ZXDC: variants seen among roughly 807,000 people sequenced by gnomAD.
ZXDC encodes the protein ZXD family zinc finger C.
Under a neutral mutation model 63.6 loss-of-function variants are expected in ZXDC, and 58 were observed. The ratio of observed to expected loss-of-function variants is 0.91; its 90% CI spans 0.74 to 1.13. ZXDC has a LOEUF of 1.13. Among genes scored for constraint, ZXDC ranks in the 50% most tolerant of loss-of-function variants. The pLI, the probability that ZXDC is intolerant of heterozygous loss-of-function variation, is 0.00. For missense variants in ZXDC, 1,133 were observed against 1,148.9 expected (o/e 0.99, Z 0.20); for synonymous variants, 561 against 496.1 (o/e 1.13, Z -1.74).
In ZXDC at chr3:126,472,164, C is replaced by T; in HGVS notation, c.1049G>A (p.Arg350Gln). Reference protein sequence around the residue: ...DKACRLKIHLRSHTGERPFIC... With the variant: ...DKACRLKIHLQSHTGERPFIC... ...CCCTAGCTCATTACCTGTATGGCTC[C>T]GCAGGTGAATTTTCAGCCGACAGGC... The change falls in exon 2 of 10, where the codon CGG (arginine) becomes CAG (glutamine). Residue 350 changes from arginine (R) to glutamine (Q), a missense_variant. Arg to Gln is a conservative substitution (Grantham distance 43). Coordinates refer to ENST00000389709, the MANE Select transcript of ZXDC (RefSeq NM_025112.5). 1.9e-6 allele frequency: 3 copies of T among 1,609,790 alleles called. No individual in the cohort carries two copies. Among genetic ancestry groups the T allele is most frequent in the Non-Finnish European group, 2.6e-6 (3 of 1,176,268 alleles).
intron 7 of ZXDC, chr3:126,450,397 C>T (rs1560092871): frequency 2.2e-6 from 1 of 456,636 alleles, no homozygotes; most frequent in East Asian, 6.9e-5. Flanking sequence ...CGCACCCTCC[C>T]CTGTTAGAGG....
At chr3:126,471,945 A>C (rs377143426) in intron 3 of ZXDC, 28 bp downstream of exon 3, 152 of 1,588,762 alleles carry the variant, frequency 9.6e-5, no homozygotes, top group Admixed American at 3.9e-4. Flanking sequence ...TTCAAACCTG[A>C]TAATGCAAAC....
At chr3:126,464,939 G>A (rs1934697390) in intron 5 of ZXDC, among the ~76,000 whole-genome samples, 1 of 152,208 alleles carries the variant, frequency 6.6e-6, no homozygotes, top group South Asian at 2.1e-4. Context: ...CCAAGGAGGG[G>A]CTTCATGACC....
intron 7 of ZXDC, among the ~76,000 whole-genome samples, chr3:126,455,931 C>A (rs1374493761): frequency 6.6e-6 from 1 of 151,444 alleles, no homozygotes; most frequent in Non-Finnish European, 1.5e-5. Context: ...ACCTGGGAGG[C>A]GGAGCTTGCA....
chr3:126,471,209 A>G (rs1187541412), intron 3 of ZXDC, among the ~76,000 whole-genome samples, 184 bp from the exon 4 acceptor site: 1 of 152,230 alleles, frequency 6.6e-6, no homozygotes, highest in African/African-American at 2.4e-5. Flanking sequence ...CCCCATAAAA[A>G]TTCTACTTTA....
rs751396887 is a variant in ZXDC at position 126,472,339 on chromosome 3, G to A, written c.908-34C>T. 29 of 1,590,886 alleles carry A rather than the reference G, an allele frequency of 1.8e-5. No individual in the cohort carries two copies. In the South Asian group the frequency reaches 1.9e-4, roughly 10 times the overall value. ...GGAAAACACAAACCCTGCTCAAAGC[G>A]TGGCAAAAATTATACAACATAGCTA... On this transcript the variant is annotated intron_variant, in intron 1 of 9. Transcript: ENST00000389709.
At chr3:126,465,073 C>T (rs1002584285) in intron 5 of ZXDC, among the ~76,000 whole-genome samples, 1 of 152,202 alleles carries the variant, frequency 6.6e-6, no homozygotes, top group African/African-American at 2.4e-5. Context: ...GACACAGCTG[C>T]GCCCCAAAGC....
chr3:126,465,541 A>G (rs1934722082), intron 5 of ZXDC, among the ~76,000 whole-genome samples: 2 of 152,210 alleles, frequency 1.3e-5, no homozygotes. Context: ...AGACGGAAAC[A>G]CAGGAGGGGC....
At chr3:126,440,740 C>T in intron 8 of ZXDC, 3 of 986,002 alleles carry the variant, frequency 3.0e-6, no homozygotes, top group Non-Finnish European at 3.6e-6. Flanking sequence ...ATCTGACGCT[C>T]ACCGCTAGCT....
chr3:126,450,060 C>T (rs1934038601), intron 7 of ZXDC, among the ~76,000 whole-genome samples: 2 of 152,204 alleles, frequency 1.3e-5, no homozygotes, highest in Admixed American at 6.5e-5. Flanking sequence ...TTCCCTGAGA[C>T]AGTCATCAAA....
chr3:126,453,224 G>A (rs1369946110), intron 7 of ZXDC: 3 of 985,106 alleles, frequency 3.0e-6, no homozygotes, highest in Non-Finnish European at 3.6e-6. Flanking sequence ...CAGTTAACAT[G>A]ATATCTGTTT....
intron 7 of ZXDC, chr3:126,454,062 A>AT (rs1348998933): frequency 6.1e-4 from 429 of 701,036 alleles, no homozygotes; most frequent in South Asian, 1.5e-3. Flanking sequence ...ATATATATAT[A>AT]TATTTTTTTT....
rs1028042630 is a variant in ZXDC, at chr3:126,455,041, A to T, written c.2212+4612T>A. 13 of 985,310 alleles carry T rather than the reference A, an allele frequency of 1.3e-5. No homozygotes were observed. The African/African-American group carries it at 2.1e-4, about 16-fold the overall frequency. 61.0% of individuals were successfully genotyped at this position (985,310 alleles called of 1,614,324 possible). A position where few individuals can be genotyped will look rare whatever the true frequency, so the allele number is the denominator to read the frequency against. On this transcript the variant is annotated intron_variant, in intron 7 of 9. Coordinates refer to ENST00000389709, the MANE Select transcript of ZXDC (RefSeq NM_025112.5). ...AACAGCGAAGTCTTGACTGTTTCTA[A>T]ATGACCCGATTCCATTAACAGTCCT...
At chr3:126,461,061 C>CTT in intron 6 of ZXDC, 1 of 985,188 alleles carries the variant, frequency 1.0e-6, no homozygotes, top group Non-Finnish European at 1.2e-6. Flanking sequence ...CCTCCAAGAA[C>CTT]TAAGGCTCAT....
intron 1 of ZXDC, among the ~76,000 whole-genome samples, chr3:126,472,633 G>C (rs1239625838): frequency 6.6e-6 from 1 of 152,136 alleles, no homozygotes; most frequent in Non-Finnish European, 1.5e-5. Flanking sequence ...TGAGACCCAA[G>C]AACCCCATGA....
intron 7 of ZXDC, among the ~76,000 whole-genome samples, chr3:126,455,410 A>G (rs1197462048): frequency 2.0e-5 from 3 of 152,240 alleles, no homozygotes; most frequent in African/African-American, 7.2e-5. Flanking sequence ...ACAAAACCCC[A>G]GTAACAATAA....
At chr3:126,466,579 C>A (rs751832219) in intron 4 of ZXDC, among the ~76,000 whole-genome samples, 47 of 152,358 alleles carry the variant, frequency 3.1e-4, no homozygotes, top group Admixed American at 1.4e-3. Context: ...GCCTAAGCAA[C>A]CTCTGTGCCT....
intron 4 of ZXDC, among the ~76,000 whole-genome samples, chr3:126,466,663 T>C (rs1934781276): frequency 1.3e-5 from 2 of 152,222 alleles, no homozygotes; most frequent in South Asian, 4.1e-4. Context: ...AATATTCAGT[T>C]GAAAACAATT....
At chr3:126,470,364 G>T (rs2107657631) in intron 4 of ZXDC, among the ~76,000 whole-genome samples, 1 of 152,282 alleles carries the variant, frequency 6.6e-6, no homozygotes, top group South Asian at 2.1e-4. Flanking sequence ...CTACTCAGAA[G>T]GCTGAGGCAT....
Sources: allele counts gnomAD v4.1 joint callset (sites outside exome capture counted in the v4.1 genomes callset), GRCh38; gene constraint gnomAD v4.1.1; transcripts MANE v1.5; gene names NCBI Gene and HGNC (gene_info 2026-07-23, HGNC 2026-07-21).